Variants in TTC39C observed in about 807,000 individuals in gnomAD.
TTC39C encodes tetratricopeptide repeat domain 39C.
In TTC39C, 33 loss-of-function variants were observed where a neutral mutation model predicts 76.3. The observed-to-expected ratio is 0.43, with a 90% CI of 0.33 to 0.58. The LOEUF is 0.58. Ranked by LOEUF, TTC39C falls within the 20% of genes least tolerant of loss-of-function variation. The probability of loss-of-function intolerance (pLI) is 0.04; values close to 1 mark genes in which losing one functional copy is unlikely to be tolerated. For synonymous variants in TTC39C, 254 were observed against 260.6 expected, an observed-to-expected ratio of 0.97 and a Z score of 0.24; for missense variants, 595 against 701.4, an observed-to-expected ratio of 0.85 and a Z score of 1.71.
chr18:24,006,973 C>A (rs191546784), intron 1 of TTC39C, among the ~76,000 whole-genome samples: 31 of 152,238 alleles, frequency 2.0e-4, no homozygotes, highest in Admixed American at 1.8e-3. Context: ...GAGTATACTA[C>A]GAAAAACCAG....
At chr18:24,007,028 T>C (rs2083359030) in intron 1 of TTC39C, among the ~76,000 whole-genome samples, 1 of 152,226 alleles carries the variant, frequency 6.6e-6, no homozygotes, top group African/African-American at 2.4e-5. Context: ...AGGAGATACC[T>C]GTTATGAATT....
upstream of TTC39C, among the ~76,000 whole-genome samples, chr18:24,009,916 A>G (rs1286026094): frequency 1.3e-5 from 2 of 152,250 alleles, no homozygotes; most frequent in Non-Finnish European, 2.9e-5. Context: ...CAGGGCAGCC[A>G]TGAGTGTCCT....
intron 1 of TTC39C, among the ~76,000 whole-genome samples, chr18:24,036,092 G>A (rs767275213): frequency 5.9e-5 from 9 of 151,694 alleles, no homozygotes; most frequent in Non-Finnish European, 1.0e-4. Context: ...TGGTCTATAT[G>A]TCAGGGTTTG....
At chr18:24,111,649 C>G (rs2084812204) in intron 6 of TTC39C, among the ~76,000 whole-genome samples, 1 of 150,792 alleles carries the variant, frequency 6.6e-6, no homozygotes, top group South Asian at 2.1e-4. Context: ...AATCCCGGGA[C>G]TTTGGGAAGC....
intron 6 of TTC39C, 65 bp downstream of exon 6, chr18:24,083,146 G>A: frequency 6.7e-7 from 1 of 1,496,192 alleles, no homozygotes; most frequent in Non-Finnish European, 9.0e-7. Flanking sequence ...ATTCTCACTT[G>A]AGGACTGGTA....
chr18:24,025,160 C>T (rs1843838), intron 1 of TTC39C, among the ~76,000 whole-genome samples: 23,792 of 152,158 alleles, frequency 0.16, 4,064 homozygotes, highest in African/African-American at 0.41. Context: ...TGAGCCACTG[C>T]GCCCGGCCTC....
intron 6 of TTC39C, among the ~76,000 whole-genome samples, chr18:24,107,613 T>C (rs1221963768): frequency 6.6e-6 from 1 of 152,206 alleles, no homozygotes; most frequent in Non-Finnish European, 1.5e-5. Context: ...GTTAAGATGT[T>C]CCTTTGCTCC....
chr18:24,107,714 C>G (rs1286126089), intron 6 of TTC39C, among the ~76,000 whole-genome samples: 1 of 152,210 alleles, frequency 6.6e-6, no homozygotes, highest in Middle Eastern at 3.2e-3. Flanking sequence ...ATTATCCAGT[C>G]TCAGATATTT....
rs765399272 is a variant in TTC39C, at chr18:24,089,580, GAGA to G, written c.984+6503_984+6505del. On this transcript the variant is annotated intron_variant, in intron 6 of 13. Transcript: ENST00000317571. Reference sequence around the variant, plus strand: ...TGGCTTAATGACCGTTTACCGAAATGAGAAGATGTTAGTAACCCCACTACACTT... The same window carrying G: ...TGGCTTAATGACCGTTTACCGAAATGAGATGTTAGTAACCCCACTACACTT... 4.4e-4 allele frequency among the ~76,000 whole-genome samples: 67 copies of G among 152,264 alleles called. 1 individual carries two copies. The highest frequency in any genetic ancestry group is 3.4e-3 in the Middle Eastern group (1 of 294).
At chr18:24,105,774 C>G (rs2084739073) in intron 6 of TTC39C, among the ~76,000 whole-genome samples, 1 of 152,238 alleles carries the variant, frequency 6.6e-6, no homozygotes, top group South Asian at 2.1e-4. Context: ...CCCACGGCTG[C>G]CATAACAAAG....
chr18:24,124,813 C>A (rs1264579552), intron 9 of TTC39C, among the ~76,000 whole-genome samples: 1 of 152,154 alleles, frequency 6.6e-6, no homozygotes, highest in African/African-American at 2.4e-5. Flanking sequence ...TAGCTGTCAC[C>A]AAGCTTTATA....
At chr18:24,035,087 C>T (rs2083716554) in intron 1 of TTC39C, among the ~76,000 whole-genome samples, 1 of 151,778 alleles carries the variant, frequency 6.6e-6, no homozygotes, top group Non-Finnish European at 1.5e-5. Context: ...CTTGCCTAGG[C>T]TTACGTACAG....
At chr18:24,131,321 A>G (rs2085126423) in intron 12 of TTC39C, among the ~76,000 whole-genome samples, 1 of 152,072 alleles carries the variant, frequency 6.6e-6, no homozygotes, top group Non-Finnish European at 1.5e-5. Flanking sequence ...AAGATATTAT[A>G]TCTTAGAGGT....
intron 1 of TTC39C, among the ~76,000 whole-genome samples, chr18:24,006,041 C>T (rs1170255927): frequency 6.8e-6 from 1 of 147,516 alleles, no homozygotes; most frequent in Non-Finnish European, 1.5e-5. Flanking sequence ...GAGACAGGGT[C>T]TTGCTCTGTC....
At chr18:24,116,429 G>A (rs1368114830) in intron 7 of TTC39C, among the ~76,000 whole-genome samples, 1 of 152,120 alleles carries the variant, frequency 6.6e-6, no homozygotes, top group Non-Finnish European at 1.5e-5. Flanking sequence ...TATAATCTCA[G>A]CTACTCAGCA....
chr18:24,005,890 G>A (rs147006968), intron 1 of TTC39C, among the ~76,000 whole-genome samples: 90 of 151,966 alleles, frequency 5.9e-4, no homozygotes, highest in Non-Finnish European at 9.6e-4. Context: ...CAAGTCAGTG[G>A]TTTTCAGTGT....
At chr18:24,032,164 G>C (rs900712507) in intron 1 of TTC39C, among the ~76,000 whole-genome samples, 1 of 152,148 alleles carries the variant, frequency 6.6e-6, no homozygotes, top group Non-Finnish European at 1.5e-5. Flanking sequence ...CCGATACCTC[G>C]ATTTCAGCCC....
intron 6 of TTC39C, among the ~76,000 whole-genome samples, chr18:24,094,511 A>G (rs2084565156): frequency 6.6e-6 from 1 of 152,254 alleles, no homozygotes; most frequent in Non-Finnish European, 1.5e-5. Context: ...TATGGCAGCT[A>G]TAGCCTTATC....
At chr18:24,024,314 A>G (rs115826165) in intron 1 of TTC39C, among the ~76,000 whole-genome samples, 143 of 151,938 alleles carry the variant, frequency 9.4e-4, no homozygotes, top group African/African-American at 2.9e-3. Flanking sequence ...CCTGGCCTAC[A>G]TATATTTTTA....
Sources: allele counts gnomAD v4.1 joint callset (sites outside exome capture counted in the v4.1 genomes callset), GRCh38; gene constraint gnomAD v4.1.1; transcripts MANE v1.5; gene names NCBI Gene and HGNC (gene_info 2026-07-23, HGNC 2026-07-21).